CACNA1C: variants seen among roughly 807,000 people sequenced by gnomAD.
CACNA1C encodes calcium voltage-gated channel subunit alpha1 C, also known as voltage-dependent L-type calcium channel subunit alpha-1C.
A neutral mutation model predicts 229.0 loss-of-function variants in CACNA1C; 30 were observed. That is an observed-to-expected ratio of 0.13 (90% CI 0.10 to 0.18). The LOEUF (loss-of-function observed/expected upper bound fraction) is 0.18, where lower values mean the gene tolerates loss of function less well. Among genes scored for constraint, CACNA1C ranks in the 10% least tolerant of loss-of-function variants. The pLI, the probability that CACNA1C is intolerant of heterozygous loss-of-function variation, is 1.00. For synonymous variants in CACNA1C, 1,114 were observed against 1,132.5 expected (o/e 0.98, Z 0.33); for missense variants, 1,658 against 2,845.0 (o/e 0.58, Z 9.49).
intron 3 of CACNA1C, among the ~76,000 whole-genome samples, chr12:2,183,205 A>G (rs979002632): frequency 5.3e-5 from 8 of 151,880 alleles, no homozygotes; most frequent in Admixed American, 1.3e-4. Flanking sequence ...ATGAAATTAA[A>G]TGAGTTAATT....
rs548240613 is a variant in CACNA1C, at chr12:2,061,184, C to T, written c.49+7573C>T. Among the ~76,000 whole-genome samples the T allele has an allele frequency of 6.7e-5, 10 of 149,222 alleles. No homozygotes were observed. The East Asian group carries it at 1.4e-3, about 21-fold the overall frequency. On this transcript the variant is annotated intron_variant, in intron 1 of 46. Coordinates refer to ENST00000399655, the MANE Select transcript of CACNA1C (RefSeq NM_000719.7). ...ATAATAATCCTTAGCCAATTCACTT[C>T]GCAGGGCAGCTGTGAGGATCCAAAT... is the stretch of plus-strand genomic sequence containing the variant.
chr12:2,692,698 G>A lies in CACNA1C; in HGVS notation c.*1499G>A, dbSNP rs2097801252. ...ACAGAAATTTAAGGGAAAAACACAA[G>A]AAGGCATTTTGCTTCAATATATTCC... On this transcript the variant is annotated 3_prime_UTR_variant, in exon 47 of 47. Coordinates refer to ENST00000399655, the MANE Select transcript of CACNA1C (RefSeq NM_000719.7). 1 of 152,646 alleles carries A rather than the reference G, an allele frequency of 6.6e-6. No homozygotes were observed. The highest frequency in any genetic ancestry group is 1.5e-5 in the Non-Finnish European group (1 of 68,032). 9.5% of individuals were successfully genotyped at this position (152,646 alleles called of 1,614,324 possible).
In CACNA1C at chr12:2,606,436, C is replaced by T. The variant is rs146526882; in HGVS notation, c.3157-175C>T. Among the ~76,000 whole-genome samples, 482 of 152,094 alleles carry T rather than the reference C, an allele frequency of 3.2e-3. 6 individuals are homozygous for T. Among genetic ancestry groups the T allele is most frequent in the African/African-American group, 0.011 (465 of 41,482 alleles). On this transcript the variant is annotated intron_variant, in intron 24 of 46. Coordinates refer to ENST00000399655, the MANE Select transcript of CACNA1C (RefSeq NM_000719.7). ...ATTGCAGTGCTACTTGCAGCACTGG[C>T]GTCTGTATTCGCCACCGTTCTGTGC...
chr12:2,243,430 C>T (rs946962902), intron 3 of CACNA1C, among the ~76,000 whole-genome samples: 4 of 152,216 alleles, frequency 2.6e-5, no homozygotes, highest in African/African-American at 9.7e-5. Flanking sequence ...GCTCATAGTC[C>T]TAAACCCTCA....
intron 3 of CACNA1C, among the ~76,000 whole-genome samples, chr12:2,227,225 G>A (rs2063277126): frequency 6.6e-6 from 1 of 152,204 alleles, no homozygotes. Flanking sequence ...CTGGAAAAAT[G>A]GTTCTTGCAC....
At chr12:2,042,042 C>T (rs1566012003) in intron 1 of CACNA1C, among the ~76,000 whole-genome samples, 1 of 152,318 alleles carries the variant, frequency 6.6e-6, no homozygotes, top group East Asian at 1.9e-4. Context: ...GACAGTTTAA[C>T]ATAAAATTGT....
intron 3 of CACNA1C, among the ~76,000 whole-genome samples, chr12:2,369,402 C>A (rs2097794019): frequency 8.6e-6 from 1 of 116,666 alleles, no homozygotes; most frequent in South Asian, 2.6e-4. Context: ...ACTTTACATA[C>A]CTTTTTTTTT....
chr12:2,687,977 T>C (rs1236687132), intron 45 of CACNA1C, among the ~76,000 whole-genome samples: 1 of 152,258 alleles, frequency 6.6e-6, no homozygotes, highest in Non-Finnish European at 1.5e-5. Context: ...CCCAACTCTT[T>C]GTGAGGTGCA....
At chr12:2,502,953 G>C (rs1296256982) in intron 7 of CACNA1C, among the ~76,000 whole-genome samples, 1 of 152,142 alleles carries the variant, frequency 6.6e-6, no homozygotes. Context: ...TTGGGGGCAT[G>C]GGGCAGGAAT....
chr12:2,030,399 T>TG (rs397691719), intron 1 of CACNA1C, among the ~76,000 whole-genome samples: 3 of 151,648 alleles, frequency 2.0e-5, no homozygotes, highest in African/African-American at 7.3e-5. Context: ...TTTTTTTTTT[T>TG]GTTTTAATTT....
intron 3 of CACNA1C, among the ~76,000 whole-genome samples, chr12:2,124,120 G>A (rs1457839236): frequency 3.8e-5 from 3 of 78,622 alleles, no homozygotes; most frequent in South Asian, 3.0e-4. Flanking sequence ...GTGTGTGTGT[G>A]TGTGTGTGTG....
intron 29 of CACNA1C, chr12:2,613,658 A>G (rs2078995788): frequency 1.3e-5 from 2 of 152,260 alleles, no homozygotes; most frequent in African/African-American, 4.8e-5. Context: ...AGTCCCATTT[A>G]GGAGGACAGA....
At chr12:2,459,965 T>C (rs1388226427) in intron 5 of CACNA1C, among the ~76,000 whole-genome samples, 1 of 152,248 alleles carries the variant, frequency 6.6e-6, no homozygotes, top group Non-Finnish European at 1.5e-5. Context: ...AACAGTCAGC[T>C]TTTGCTGTGG....
intron 3 of CACNA1C, among the ~76,000 whole-genome samples, chr12:2,309,282 A>G (rs555784263): frequency 3.9e-5 from 6 of 152,318 alleles, no homozygotes; most frequent in Admixed American, 6.5e-5. Context: ...TGTGGAATCT[A>G]AAAGAGCCCA....
At chr12:2,274,438 C>T (rs1305075979) in intron 3 of CACNA1C, among the ~76,000 whole-genome samples, 2 of 152,206 alleles carry the variant, frequency 1.3e-5, no homozygotes, top group Admixed American at 6.5e-5. Flanking sequence ...CTTCATCAAC[C>T]AGGAAGGCTC....
Position 2,610,589 on chromosome 12 carries a change from A to G in CACNA1C, c.3607A>G (p.Ile1203Val), listed in dbSNP as rs1161901711. 1 of 1,614,054 alleles carries G rather than the reference A, an allele frequency of 6.2e-7. No homozygotes were observed. The highest frequency in any genetic ancestry group is 1.1e-5 in the South Asian group (1 of 91,082). Residue 1203 changes from isoleucine (I) to valine (V), a missense_variant, in exon 28 of 47, where the codon ATC (isoleucine) becomes GTC (valine). Physicochemically the swap from Ile to Val is conservative, Grantham distance 29 (BLOSUM62 3). Transcript: ENST00000399655. ...ALKARPLRRY[I>V]PKNQHQYKVW... Reference sequence around the variant, plus strand: ...CAAGGCCCGGCCCCTGCGGAGGTACATCCCCAAGAACCAGCACCAGTACAA... The same window carrying G: ...CAAGGCCCGGCCCCTGCGGAGGTACGTCCCCAAGAACCAGCACCAGTACAA...
At chr12:2,359,323 G>C (rs2097488810) in intron 3 of CACNA1C, among the ~76,000 whole-genome samples, 2 of 152,166 alleles carry the variant, frequency 1.3e-5, no homozygotes, top group Admixed American at 1.3e-4. Context: ...TGAGCCAGTG[G>C]GTGGACCTTC....
At chr12:2,441,082 T>C (rs1806305186) in intron 3 of CACNA1C, among the ~76,000 whole-genome samples, 1 of 152,210 alleles carries the variant, frequency 6.6e-6, no homozygotes, top group African/African-American at 2.4e-5. Flanking sequence ...GTGTTATTAT[T>C]GTGTTGATTG....
intron 3 of CACNA1C, among the ~76,000 whole-genome samples, chr12:2,143,316 G>T (rs1237260967): frequency 6.6e-6 from 1 of 151,132 alleles, no homozygotes; most frequent in Non-Finnish European, 1.5e-5. Context: ...CACAATGTTT[G>T]TAAAGTCGAC....
Sources: allele counts gnomAD v4.1 joint callset (sites outside exome capture counted in the v4.1 genomes callset), GRCh38; gene constraint gnomAD v4.1.1; transcripts MANE v1.5; gene names NCBI Gene and HGNC (gene_info 2026-07-23, HGNC 2026-07-21).